Variants in SLC2A10 observed in about 807,000 individuals in gnomAD.
SLC2A10 encodes the protein solute carrier family 2, facilitated glucose transporter member 10.
SLC2A10 carries 25 observed loss-of-function variants against 32.1 expected under a neutral mutation model. That is an observed-to-expected ratio of 0.78 (90% confidence interval 0.57 to 1.09). The LOEUF is 1.09. Ranked by LOEUF, SLC2A10 falls within the 50% of genes least tolerant of loss-of-function variation. The pLI, the probability that SLC2A10 is intolerant of heterozygous loss-of-function variation, is 0.00. For missense variants in SLC2A10, 673 were observed against 686.5 expected, an observed-to-expected ratio of 0.98 and a Z score of 0.22; for synonymous variants, 332 against 309.6, an observed-to-expected ratio of 1.07 and a Z score of -0.76.
intron 3 of SLC2A10, among the ~76,000 whole-genome samples, chr20:46,728,709 C>T (rs551534403): frequency 5.3e-5 from 8 of 150,868 alleles, no homozygotes; most frequent in Middle Eastern, 3.4e-3. Context: ...CCTTGACCTC[C>T]GGGGCTCAAA....
At chr20:46,708,607 C>T (rs936293918), upstream of SLC2A10, among the ~76,000 whole-genome samples, 14 of 152,214 alleles carry the variant, frequency 9.2e-5, no homozygotes, top group Non-Finnish European at 1.9e-4. Context: ...TCCAACCTCA[C>T]CACAGTGACA....
intron 1 of SLC2A10, among the ~76,000 whole-genome samples, chr20:46,717,732 C>T (rs1211479944): frequency 6.6e-6 from 1 of 152,108 alleles, no homozygotes; most frequent in Non-Finnish European, 1.5e-5. Context: ...TGAAATCATC[C>T]AGCTGTATAC....
At chr20:46,728,375 C>T (rs1438548859) in intron 3 of SLC2A10, among the ~76,000 whole-genome samples, 3 of 152,128 alleles carry the variant, frequency 2.0e-5, no homozygotes, top group African/African-American at 4.8e-5. Context: ...GATCCTTCCT[C>T]CACAGCCTCT....
chr20:46,729,828 G>A (rs1980198639), intron 4 of SLC2A10, among the ~76,000 whole-genome samples: 1 of 151,764 alleles, frequency 6.6e-6, no homozygotes, highest in African/African-American at 2.4e-5. Flanking sequence ...ATTTTTAGTA[G>A]AGACGGGGTT....
In SLC2A10 at chr20:46,725,266, C is replaced by T. The variant is rs1390521572; in HGVS notation, c.230C>T (p.Ala77Val). 4.3e-6 allele frequency: 7 copies of T among 1,614,032 alleles called. No individual in the cohort carries two copies. Among genetic ancestry groups the T allele is most frequent in the Non-Finnish European group, 3.4e-6 (4 of 1,180,044 alleles). Residue 77 changes from alanine to valine, a missense_variant, in exon 2 of 5, where the codon GCC (alanine) becomes GTC (valine). Ala to Val is a moderately conservative substitution (Grantham distance 64, BLOSUM62 0). Coordinates refer to ENST00000359271, the MANE Select transcript of SLC2A10 (RefSeq NM_030777.4). Reference protein sequence around the residue: ...FLIDCYGRKQAILGSNLVLLA... With the variant: ...FLIDCYGRKQVILGSNLVLLA... The stretch of plus-strand genomic sequence containing the variant: ...ATTGACTGCTATGGCAGGAAGCAAG[C>T]CATCCTCGGGAGCAACTTGGTGCTG...
In SLC2A10 at chr20:46,726,036, A is replaced by G. The variant is rs1178846853; in HGVS notation, c.1000A>G (p.Asn334Asp). The change falls in exon 2 of 5, where the codon AAT becomes GAT. Residue 334 changes from asparagine to aspartate, a missense_variant. Asn to Asp is a conservative substitution (Grantham distance 23). Coordinates refer to ENST00000359271, the MANE Select transcript of SLC2A10 (RefSeq NM_030777.4). ...DSGPSCLAVP[N>D]ATGQTGLPGD... ...AGGCCCAAGCTGTCTGGCTGTGCCCAATGCCACCGGGCAGACAGGCCTCCC... is the reference window on the plus strand; with the variant it reads ...AGGCCCAAGCTGTCTGGCTGTGCCCGATGCCACCGGGCAGACAGGCCTCCC... 2 of 1,614,088 alleles carry G rather than the reference A, an allele frequency of 1.2e-6. No individual in the cohort carries two copies. The highest frequency in any genetic ancestry group is 1.7e-6 in the Non-Finnish European group (2 of 1,180,028).
chr20:46,724,193 T>A (rs1979710816), intron 1 of SLC2A10, among the ~76,000 whole-genome samples: 1 of 152,254 alleles, frequency 6.6e-6, no homozygotes, highest in Admixed American at 6.5e-5. Flanking sequence ...ATCTTCACTA[T>A]CTGAAATTAT....
At chr20:46,720,626 T>C (rs958165192) in intron 1 of SLC2A10, among the ~76,000 whole-genome samples, 1 of 152,172 alleles carries the variant, frequency 6.6e-6, no homozygotes, top group Non-Finnish European at 1.5e-5. Flanking sequence ...AGTAATGAAG[T>C]AGTTGGGTCA....
chr20:46,721,381 C>T (rs73295904), intron 1 of SLC2A10, among the ~76,000 whole-genome samples: 2,498 of 151,584 alleles, frequency 0.016, 62 homozygotes, highest in African/African-American at 0.048. Flanking sequence ...TTGTCCTGTC[C>T]TCACTACTAT....
chr20:46,709,706 G>A lies in SLC2A10; in HGVS notation c.-31G>A. 1.3e-6 allele frequency: 2 copies of A among 1,539,646 alleles called. No individual in the cohort carries two copies. The highest frequency in any genetic ancestry group is 2.5e-5 in the East Asian group (1 of 39,812). ...GGGGATGCGCGCCCGGCCCCTCAGC[G>A]CCCCCAGCACGCCGCCGAGTCCCGC... On this transcript the variant is annotated 5_prime_UTR_variant, in exon 1 of 5. Transcript: ENST00000359271.
intron 1 of SLC2A10, among the ~76,000 whole-genome samples, chr20:46,717,480 G>C (rs903688835): frequency 2.0e-5 from 3 of 152,082 alleles, no homozygotes; most frequent in African/African-American, 7.2e-5. Context: ...CCGCCTCCTG[G>C]GTTTAATTGA....
rs540955168 is a variant in SLC2A10, at chr20:46,729,172, G to A, written c.1412-181G>A. On this transcript the variant is annotated intron_variant, in intron 3 of 4. Coordinates refer to ENST00000359271, the MANE Select transcript of SLC2A10 (RefSeq NM_030777.4). Reference sequence around the variant, plus strand: ...CATCCCCGCCTTTGAGACAATCAGCGAGATTTCCGCTTTAAGGTACTTCAC... The same window carrying A: ...CATCCCCGCCTTTGAGACAATCAGCAAGATTTCCGCTTTAAGGTACTTCAC... Among the ~76,000 whole-genome samples the A allele has an allele frequency of 1.3e-4, 20 of 152,320 alleles. No homozygotes were observed. The South Asian group carries it at 2.1e-3, about 16-fold the overall frequency.
At chr20:46,721,123 G>A (rs1159017778) in intron 1 of SLC2A10, among the ~76,000 whole-genome samples, 2 of 152,150 alleles carry the variant, frequency 1.3e-5, no homozygotes, top group Non-Finnish European at 2.9e-5. Context: ...ATTGCTCAAG[G>A]TTTAGACCCA....
At chr20:46,719,661 A>G (rs1199674089) in intron 1 of SLC2A10, among the ~76,000 whole-genome samples, 1 of 152,206 alleles carries the variant, frequency 6.6e-6, no homozygotes, top group African/African-American at 2.4e-5. Context: ...GGGAGCTACA[A>G]TTTAAGATGA....
At position 46,734,029 on chromosome 20, in the gene SLC2A10, C is replaced by A; in HGVS notation, c.*195C>A. 1.6e-6 allele frequency: 1 copy of A among 643,168 alleles called. No individual in the cohort carries two copies. The highest frequency in any genetic ancestry group is 2.8e-6 in the Non-Finnish European group (1 of 356,380). The allele number at this position is 643,168 out of a possible 1,614,324, so 39.8% of individuals were successfully genotyped here. A position where few individuals can be genotyped will look rare whatever the true frequency, so the allele number is the denominator to read the frequency against. On this transcript the variant is annotated 3_prime_UTR_variant, in exon 5 of 5. Coordinates refer to ENST00000359271, the MANE Select transcript of SLC2A10 (RefSeq NM_030777.4). Reference sequence around the variant, plus strand: ...CCAACTCTTCATTTTGAGTCTCAGGCCCTGAAGGTTCCTGAGGATCTAGCT... The same window carrying A: ...CCAACTCTTCATTTTGAGTCTCAGGACCTGAAGGTTCCTGAGGATCTAGCT...
At chr20:46,713,645 T>C (rs1979060807) in intron 1 of SLC2A10, among the ~76,000 whole-genome samples, 1 of 152,212 alleles carries the variant, frequency 6.6e-6, no homozygotes. Flanking sequence ...TGACGAGGCC[T>C]GACTTAGGTT....
chr20:46,709,842 C>G (rs894804793), intron 1 of SLC2A10, 102 bp downstream of exon 1: 5 of 1,411,422 alleles, frequency 3.5e-6, no homozygotes, highest in South Asian at 1.2e-5. Flanking sequence ...CTGGCTCCCC[C>G]AGGGCCGCCC....
At chr20:46,727,107 A>T (rs1980017718) in intron 3 of SLC2A10, 121 bp downstream of exon 3, 5 of 1,323,736 alleles carry the variant, frequency 3.8e-6, no homozygotes, top group Non-Finnish European at 5.4e-6. Flanking sequence ...CAGAAACATC[A>T]TCAAATGTCC....
chr20:46,721,848 T>C (rs933595347), intron 1 of SLC2A10, among the ~76,000 whole-genome samples: 12 of 152,212 alleles, frequency 7.9e-5, no homozygotes, highest in African/African-American at 2.9e-4. Context: ...TCCCTATGTG[T>C]GGGTGGAGAG....
Sources: allele counts gnomAD v4.1 joint callset (sites outside exome capture counted in the v4.1 genomes callset), GRCh38; gene constraint gnomAD v4.1.1; transcripts MANE v1.5; gene names NCBI Gene and HGNC (gene_info 2026-07-23, HGNC 2026-07-21).